Variants in MET observed in about 807,000 individuals in gnomAD.
The protein encoded by MET is MET proto-oncogene, receptor tyrosine kinase.
A neutral mutation model predicts 133.1 loss-of-function variants in MET; 48 were observed. The ratio of observed to expected loss-of-function variants is 0.36; its 90% CI spans 0.29 to 0.46. The LOEUF is 0.46. Among genes scored for constraint, MET ranks in the 20% least tolerant of loss-of-function variants. The pLI is 1.00. For synonymous variants in MET, 628 were observed against 616.5 expected (o/e 1.02, Z -0.28); for missense variants, 1,442 against 1,695.9 (o/e 0.85, Z 2.63).
At chr7:116,688,719 A>T (rs915386806) in intron 1 of MET, among the ~76,000 whole-genome samples, 10 of 152,198 alleles carry the variant, frequency 6.6e-5, no homozygotes, top group African/African-American at 2.4e-4. Flanking sequence ...ATGGCATTCT[A>T]TTCTTTTTAT....
chr7:116,692,598 G>T (rs1228294519), intron 1 of MET, among the ~76,000 whole-genome samples: 1 of 152,244 alleles, frequency 6.6e-6, no homozygotes, highest in Non-Finnish European at 1.5e-5. Context: ...GAGGTGGGCA[G>T]ATGGTGGACA....
At chr7:116,678,925 A>T (rs1267352914) in intron 1 of MET, among the ~76,000 whole-genome samples, 1 of 152,130 alleles carries the variant, frequency 6.6e-6, no homozygotes, top group Non-Finnish European at 1.5e-5. Context: ...AAAAAATAGG[A>T]AGTTGGTTTT....
intron 11 of MET, among the ~76,000 whole-genome samples, chr7:116,764,440 T>C (rs1794537631): frequency 6.6e-6 from 1 of 152,110 alleles, no homozygotes; most frequent in Non-Finnish European, 1.5e-5. Flanking sequence ...CAACAATTAC[T>C]GTGTTTGCCA....
At chr7:116,764,638 A>T (rs1004722383) in intron 11 of MET, among the ~76,000 whole-genome samples, 3 of 152,150 alleles carry the variant, frequency 2.0e-5, no homozygotes, top group Admixed American at 6.5e-5. Flanking sequence ...CATAAATTAA[A>T]TACCCATTAT....
chr7:116,754,923 GA>G (rs768842447), intron 5 of MET, among the ~76,000 whole-genome samples: 1 of 142,276 alleles, frequency 7.0e-6, no homozygotes, highest in African/African-American at 2.6e-5. Flanking sequence ...AAGAAAGAAA[GA>G]AAGAAAGAAA....
intron 19 of MET, among the ~76,000 whole-genome samples, chr7:116,788,793 C>G (rs1391242302): frequency 6.6e-6 from 1 of 152,166 alleles, no homozygotes; most frequent in Non-Finnish European, 1.5e-5. Flanking sequence ...ATGTTGAAAC[C>G]TGCGACCAAA....
At chr7:116,771,184 A>T (rs573389176) in intron 12 of MET, among the ~76,000 whole-genome samples, 1 of 152,304 alleles carries the variant, frequency 6.6e-6, no homozygotes, top group South Asian at 2.1e-4. Context: ...ACCACACTGT[A>T]CTGGAATCAT....
At chr7:116,752,657 A>G (rs1793970097) in intron 5 of MET, among the ~76,000 whole-genome samples, 1 of 152,272 alleles carries the variant, frequency 6.6e-6, no homozygotes, top group Non-Finnish European at 1.5e-5. Context: ...CTGAGGGTCT[A>G]GCAGAGGGCT....
chr7:116,774,296 C>A (rs1185848010), intron 14 of MET, among the ~76,000 whole-genome samples: 1 of 152,150 alleles, frequency 6.6e-6, no homozygotes, highest in Non-Finnish European at 1.5e-5. Context: ...CGAGATCTAA[C>A]CTGCCTTCTC....
At chr7:116,705,681 G>T (rs527892794) in intron 2 of MET, among the ~76,000 whole-genome samples, 2 of 152,232 alleles carry the variant, frequency 1.3e-5, no homozygotes, top group South Asian at 2.1e-4. Context: ...GAGGTATAAA[G>T]ATTCAATGTA....
chr7:116,790,170 A>G (rs748074774), intron 19 of MET, among the ~76,000 whole-genome samples: 5 of 152,214 alleles, frequency 3.3e-5, no homozygotes, highest in African/African-American at 1.2e-4. Flanking sequence ...ATTTTTAAAT[A>G]CACAGTACAG....
intron 5 of MET, among the ~76,000 whole-genome samples, chr7:116,748,529 A>C (rs1345059696): frequency 6.6e-6 from 1 of 152,206 alleles, no homozygotes; most frequent in Non-Finnish European, 1.5e-5. Context: ...AGTGGGAAAG[A>C]CCTAAAATCA....
intron 11 of MET, among the ~76,000 whole-genome samples, chr7:116,765,173 G>A (rs778761793): frequency 6.6e-6 from 1 of 151,040 alleles, no homozygotes; most frequent in Non-Finnish European, 1.5e-5. Flanking sequence ...GGTGGTGGGT[G>A]CCTGTAATCC....
intron 2 of MET, among the ~76,000 whole-genome samples, chr7:116,713,033 C>G (rs1792056903): frequency 6.6e-6 from 1 of 152,174 alleles, no homozygotes; most frequent in Admixed American, 6.5e-5. Context: ...TTGAAACTTT[C>G]ATTTGAAGTC....
chr7:116,721,780 T>C (rs1439994290), intron 2 of MET, among the ~76,000 whole-genome samples: 2 of 152,182 alleles, frequency 1.3e-5, no homozygotes, highest in Non-Finnish European at 2.9e-5. Context: ...TCAGTTTCCA[T>C]GTAGTTGAGC....
At chr7:116,790,586 C>A (rs927150828) in intron 19 of MET, among the ~76,000 whole-genome samples, 6 of 152,106 alleles carry the variant, frequency 3.9e-5, no homozygotes, top group African/African-American at 1.4e-4. Flanking sequence ...TGTAAAAATT[C>A]TCTTTGAGAT....
intron 2 of MET, among the ~76,000 whole-genome samples, chr7:116,702,071 A>G (rs1371490564): frequency 6.6e-6 from 1 of 152,192 alleles, no homozygotes; most frequent in Non-Finnish European, 1.5e-5. Flanking sequence ...TCTGAATTTT[A>G]TCCTACCCTT....
intron 1 of MET, among the ~76,000 whole-genome samples, chr7:116,682,395 T>A (rs1468466503): frequency 6.6e-6 from 1 of 152,336 alleles, no homozygotes; most frequent in African/African-American, 2.4e-5. Context: ...ATCTTTAGAC[T>A]GTTGGCTTTA....
At position 116,765,299 on chromosome 7, in the gene MET, A is replaced by C. The variant is rs1054609836; in HGVS notation, c.2583+2031A>C. Among the ~76,000 whole-genome samples the C allele has an allele frequency of 5.9e-5, 9 of 151,722 alleles. No individual in the cohort carries two copies. The South Asian group carries it at 8.3e-4, about 14-fold the overall frequency. ...TGGGAGACAGAGCAAAAAAAAAAAA[A>C]AAAAAAAAACCACGTACTTCATCAA... On this transcript the variant is annotated intron_variant, in intron 11 of 20. Transcript: ENST00000397752.
Sources: allele counts gnomAD v4.1 joint callset (sites outside exome capture counted in the v4.1 genomes callset), GRCh38; gene constraint gnomAD v4.1.1; transcripts MANE v1.5; gene names NCBI Gene and HGNC (gene_info 2026-07-23, HGNC 2026-07-21).